Variants in ATP5F1A observed in about 807,000 individuals in gnomAD.
The protein encoded by ATP5F1A is ATP synthase F1 subunit alpha.
A neutral mutation model predicts 57.4 loss-of-function variants in ATP5F1A; 24 were observed. That is an observed-to-expected ratio of 0.42 (90% CI 0.30 to 0.59). ATP5F1A has a LOEUF of 0.59. ATP5F1A is among the 20% of genes least tolerant of loss of function. ATP5F1A has a pLI of 0.19. For missense variants in ATP5F1A, 494 were observed against 707.9 expected (o/e 0.70, Z 3.43); for synonymous variants, 251 against 255.5 (o/e 0.98, Z 0.17).
chr18:46,084,657 GAA>G lies in ATP5F1A; in HGVS notation c.1430-5_1430-4del, dbSNP rs773076596. The G allele has an allele frequency of 6.4e-7, 1 of 1,562,656 alleles. No homozygotes were observed. The highest frequency in any genetic ancestry group is 1.2e-5 in the South Asian group (1 of 82,390). ...TTGTTCTTCAATAGCCATGGGAGCTGAAAAGATACAAGAAGAATGCCAAGTGA... is the reference window on the plus strand; with the variant it reads ...TTGTTCTTCAATAGCCATGGGAGCTGAAGATACAAGAAGAATGCCAAGTGA... On this transcript the variant is annotated splice_polypyrimidine_tract_variant and splice_region_variant and intron_variant, in intron 10 of 11. Transcript: ENST00000398752.
rs560737858 is a variant in ATP5F1A, at chr18:46,095,766, G to A, written c.61-635C>T. Among the ~76,000 whole-genome samples, 140 of 151,984 alleles carry A rather than the reference G, an allele frequency of 9.2e-4. 1 individual carries two copies. The highest frequency in any genetic ancestry group is 1.9e-3 in the East Asian group (10 of 5,162). ...CCAGTAGGTGGGATCACAGGAGTGC[G>A]CCACCTGGCCAGGCTAATTTTTGTA... is the stretch of plus-strand genomic sequence containing the variant. On this transcript the variant is annotated intron_variant, in intron 1 of 11. Transcript: ENST00000398752.
chr18:46,086,782 G>C, intron 8 of ATP5F1A: 1 of 613,220 alleles, frequency 1.6e-6, no homozygotes, highest in South Asian at 2.1e-5. Flanking sequence ...AACAGTAGTG[G>C]TTAAAAATGA....
At position 46,084,005 on chromosome 18, in the gene ATP5F1A, AAC is replaced by A; in HGVS notation, c.*275_*276del. ...GTCTCAAAAAAAAAAACAAAAAAAA[AAC>A]TTACAAAGAGCTCAGCCTTGAATTA... On this transcript the variant is annotated 3_prime_UTR_variant, in exon 12 of 12. Coordinates refer to ENST00000398752, the MANE Select transcript of ATP5F1A (RefSeq NM_004046.6). 1 of 249,508 alleles carries A rather than the reference AAC, an allele frequency of 4.0e-6. No individual in the cohort carries two copies. The allele number at this position is 249,508 out of a possible 1,614,324, so 15.5% of individuals were successfully genotyped here.
upstream of ATP5F1A, among the ~76,000 whole-genome samples, chr18:46,100,251 T>TAAAAAAAAA (rs34683117): frequency 2.9e-5 from 2 of 68,662 alleles, no homozygotes; most frequent in Non-Finnish European, 5.7e-5. Context: ...AAACTCCATC[T>TAAAAAAAAA]AAAAAAAAAA....
chr18:46,086,438 A>G lies in ATP5F1A; in HGVS notation c.1233T>C (p.Gly411=). The stretch of plus-strand genomic sequence containing the variant: ...CGGATCCGACACGAGATACAGACAG[A>G]CCAACGTTAATTGCAGGGCGGATAC... ...YKGIRPAINV[G]LSVSRVGSAA... is the part of the protein sequence containing the mutation. Residue 411 remains glycine (G), a synonymous_variant, in exon 9 of 12, where the codon GGT becomes GGC. Transcript: ENST00000398752. The G allele has an allele frequency of 1.9e-6, 3 of 1,614,186 alleles. No individual in the cohort carries two copies. The highest frequency in any genetic ancestry group is 2.5e-6 in the Non-Finnish European group (3 of 1,180,034).
chr18:46,096,500 C>CAAAAA lies in ATP5F1A; in HGVS notation c.61-1374_61-1370dup, dbSNP rs770383471. Among the ~76,000 whole-genome samples the CAAAAA allele has an allele frequency of 3.2e-3, 229 of 70,632 alleles. 11 individuals are homozygous for CAAAAA. The highest frequency in any genetic ancestry group is 0.011 in the African/African-American group (214 of 19,206). 46.3% of individuals were successfully genotyped at this position (70,632 alleles called of 152,430 possible). ...GGGCGACAAAAGCAAAACTCCGTCT[C>CAAAAA]AAAAAAAAAAAAAAAAAGCAACTGT... is the stretch of plus-strand genomic sequence containing the variant. On this transcript the variant is annotated intron_variant, in intron 1 of 11. Coordinates refer to ENST00000398752, the MANE Select transcript of ATP5F1A (RefSeq NM_004046.6).
In ATP5F1A at chr18:46,091,741, C is replaced by T. The variant is rs374860370; in HGVS notation, c.250G>A (p.Val84Ile). 15 of 1,613,708 alleles carry T rather than the reference C, an allele frequency of 9.3e-6. No homozygotes were observed. The highest frequency in any genetic ancestry group is 3.3e-4 in the Middle Eastern group (2 of 6,084). ...VLSIGDGIARVHGLRNVQAEE... is the reference protein window; with the variant it reads ...VLSIGDGIARIHGLRNVQAEE... ...GCTTGAACATTCCTCAGCCCATGTA[C>T]GCGGGCAATACCATCACCAATACTT... Residue 84 changes from valine (V) to isoleucine (I), a missense_variant, in exon 3 of 12, where the codon GTA becomes ATA. This residue lies in a region of ATP5F1A where 142 missense variants were observed against 137.5 expected (regional missense o/e 1.03). Coordinates refer to ENST00000398752, the MANE Select transcript of ATP5F1A (RefSeq NM_004046.6).
chr18:46,100,501 T>C (rs968096334), upstream of ATP5F1A, among the ~76,000 whole-genome samples: 4 of 151,836 alleles, frequency 2.6e-5, no homozygotes, highest in African/African-American at 7.3e-5. Flanking sequence ...TCCCAACACG[T>C]TGGGAAGCCA....
chr18:46,097,185 G>A (rs2578187), intron 1 of ATP5F1A, among the ~76,000 whole-genome samples: 19,805 of 151,824 alleles, frequency 0.13, 1,707 homozygotes, highest in East Asian at 0.37. Flanking sequence ...ACCTTCCATA[G>A]GAGCTAGATG....
chr18:46,084,675 T>C (rs747609570), intron 10 of ATP5F1A, 21 bp from the exon 11 acceptor site: 3 of 1,533,648 alleles, frequency 2.0e-6, no homozygotes, highest in Non-Finnish European at 1.7e-6. Flanking sequence ...ACAAGAAGAA[T>C]GCCAAGTGAG....
intron 6 of ATP5F1A, 194 bp from the exon 7 acceptor site, chr18:46,087,686 C>T: frequency 6.7e-6 from 4 of 597,244 alleles, no homozygotes; most frequent in South Asian, 4.5e-5. Flanking sequence ...TCGAGACCAG[C>T]CTGACCAATA....
chr18:46,094,941 C>T (rs773544077), intron 2 of ATP5F1A, 112 bp downstream of exon 2: 51 of 1,370,742 alleles, frequency 3.7e-5, no homozygotes, highest in Admixed American at 1.8e-4. Flanking sequence ...AGAGTCTATA[C>T]AAACTAGAGA....
chr18:46,103,289 C>T (rs568045027), upstream of ATP5F1A, among the ~76,000 whole-genome samples: 10 of 151,394 alleles, frequency 6.6e-5, no homozygotes, highest in South Asian at 2.1e-4. Context: ...CCAGCCTAAG[C>T]GACAGAGAAA....
Position 46,082,720 on chromosome 18 carries a change from AG to A in ATP5F1A, c.*1561del, listed in dbSNP as rs1909831311. 1 of 152,152 alleles carries A rather than the reference AG, an allele frequency of 6.6e-6. No individual in the cohort carries two copies. Among genetic ancestry groups the A allele is most frequent in the Admixed American group, 6.6e-5 (1 of 15,262 alleles). The allele number at this position is 152,152 out of a possible 1,614,324, so 9.4% of individuals were successfully genotyped here. On this transcript the variant is annotated 3_prime_UTR_variant, in exon 12 of 12. Transcript: ENST00000398752. The stretch of plus-strand genomic sequence containing the variant: ...AAGTAAAAAAAAAGGTAACACATTA[AG>A]AATGAGCAAAGGCTATGAAAAATTA...
upstream of ATP5F1A, chr18:46,099,387 C>G (rs1299711164): frequency 6.6e-6 from 1 of 151,588 alleles, no homozygotes; most frequent in African/African-American, 2.4e-5. Context: ...GTGTGTGATG[C>G]TGGTTATTAT....
intron 1 of ATP5F1A, 58 bp downstream of exon 1, chr18:46,098,114 C>T (rs922857190): frequency 6.4e-7 from 1 of 1,551,882 alleles, no homozygotes; most frequent in South Asian, 1.2e-5. Context: ...CGAGCCGGCG[C>T]ACCACCACCC....
rs954790724 is a variant in ATP5F1A, at chr18:46,091,687, A to C, written c.304T>G (p.Leu102Val). 6.3e-7 allele frequency: 1 copy of C among 1,598,238 alleles called. No homozygotes were observed. Among genetic ancestry groups the C allele is most frequent in the Non-Finnish European group, 8.5e-7 (1 of 1,174,320 alleles). ...AEEMVEFSSG[L>V]KGMSLNLEPD... is the part of the protein sequence containing the mutation. ...AATCTTATTTTATAATTTACCTTTA[A>C]GCCTGAAGAAAACTCTACCATTTCT... Residue 102 changes from leucine (L) to valine (V), a missense_variant, in exon 3 of 12, where the codon TTA becomes GTA. By Grantham distance (32) the Leu-to-Val change is conservative. This residue lies in a region of ATP5F1A where 142 missense variants were observed against 137.5 expected (regional missense o/e 1.03). Transcript: ENST00000398752.
Position 46,090,009 on chromosome 18 carries a change from C to G in ATP5F1A, c.310-13G>C. The G allele has an allele frequency of 6.9e-7, 1 of 1,453,306 alleles. No individual in the cohort carries two copies. The highest frequency in any genetic ancestry group is 9.2e-7 in the Non-Finnish European group (1 of 1,089,340). 90.0% of individuals were successfully genotyped at this position (1,453,306 alleles called of 1,614,324 possible). A position where few individuals can be genotyped will look rare whatever the true frequency, so the allele number is the denominator to read the frequency against. ...TCAAGGACATACCCTGCACAAAAGA[C>G]ACAATTGAACATCAATGAAGCTGAA... is the stretch of plus-strand genomic sequence containing the variant. On this transcript the variant is annotated splice_polypyrimidine_tract_variant and intron_variant, in intron 3 of 11. Transcript: ENST00000398752.
intron 3 of ATP5F1A, 78 bp downstream of exon 3, chr18:46,091,604 A>G: frequency 7.1e-7 from 1 of 1,409,742 alleles, no homozygotes; most frequent in Admixed American, 2.6e-5. Context: ...TAAAAATCTG[A>G]TACAATCTTT....
Sources: allele counts gnomAD v4.1 joint callset (sites outside exome capture counted in the v4.1 genomes callset), GRCh38; gene constraint gnomAD v4.1.1; regional missense constraint gnomAD v4.1.1; transcripts MANE v1.5; gene names NCBI Gene and HGNC (gene_info 2026-07-23, HGNC 2026-07-21).